PPP3R1: variants seen among roughly 807,000 people sequenced by gnomAD.
PPP3R1 encodes the protein calcineurin subunit B type 1.
PPP3R1 carries 5 observed loss-of-function variants against 22.6 expected under a neutral mutation model. That is an observed-to-expected ratio of 0.22 (90% CI 0.12 to 0.46). The LOEUF is 0.46. PPP3R1 is among the 20% of genes least tolerant of loss of function. PPP3R1 has a pLI of 0.99. For missense variants in PPP3R1, 61 were observed against 203.2 expected (o/e 0.30, Z 4.25); for synonymous variants, 56 against 65.2 (o/e 0.86, Z 0.68).
intron 5 of PPP3R1, among the ~76,000 whole-genome samples, chr2:68,185,138 G>A (rs181711105): frequency 2.0e-5 from 3 of 150,626 alleles, no homozygotes; most frequent in East Asian, 1.9e-4. Flanking sequence ...AAAATCACTC[G>A]AACCAGGGAG....
chr2:68,215,326 C>G (rs918245326), intron 2 of PPP3R1, among the ~76,000 whole-genome samples: 5 of 152,124 alleles, frequency 3.3e-5, no homozygotes, highest in East Asian at 1.9e-4. Flanking sequence ...TTCCAAAACC[C>G]CCCCCAAAAT....
intron 1 of PPP3R1, among the ~76,000 whole-genome samples, chr2:68,246,155 ACCTCCGCCTC>A: frequency 7.7e-6 from 1 of 130,554 alleles, no homozygotes; most frequent in South Asian, 2.5e-4. Flanking sequence ...GCTCCCTGCA[ACCTCCGCCTC>A]CCGGGTTCAA....
intron 1 of PPP3R1, among the ~76,000 whole-genome samples, chr2:68,239,359 T>C (rs1670075073): frequency 6.6e-6 from 1 of 152,148 alleles, no homozygotes; most frequent in African/African-American, 2.4e-5. Context: ...AAACAATATA[T>C]GAAGTGCCAC....
At position 68,209,792 on chromosome 2, in the gene PPP3R1, T is replaced by C. The variant is rs114032004; in HGVS notation, c.43+7300A>G. Among the ~76,000 whole-genome samples the C allele has an allele frequency of 2.4e-3, 363 of 152,042 alleles. 3 individuals carry two copies. Among genetic ancestry groups the C allele is most frequent in the African/African-American group, 8.4e-3 (349 of 41,442 alleles). ...AGTTTTAAACTCCCTCTATCCAAGT[T>C]TGTAAGACACAACAACAACAAAAAA... On this transcript the variant is annotated intron_variant, in intron 2 of 5. Coordinates refer to ENST00000234310, the MANE Select transcript of PPP3R1 (RefSeq NM_000945.4).
At chr2:68,230,600 T>C (rs935494276) in intron 1 of PPP3R1, among the ~76,000 whole-genome samples, 1 of 152,384 alleles carries the variant, frequency 6.6e-6, no homozygotes, top group Admixed American at 6.5e-5. Context: ...CCCGTACTTT[T>C]ACACTTTGAA....
At chr2:68,211,177 C>T (rs1045582370) in intron 2 of PPP3R1, among the ~76,000 whole-genome samples, 4 of 152,058 alleles carry the variant, frequency 2.6e-5, no homozygotes, top group African/African-American at 9.7e-5. Flanking sequence ...GAGGCCGAGA[C>T]AGGCGGATCA....
At chr2:68,183,391 G>T (rs1055704723) in intron 5 of PPP3R1, among the ~76,000 whole-genome samples, 7 of 152,108 alleles carry the variant, frequency 4.6e-5, no homozygotes, top group African/African-American at 1.7e-4. Context: ...CCAGTTATTT[G>T]TTCCCACTGT....
rs1674344283 is a variant in PPP3R1 at position 68,178,977 on chromosome 2, C to T, written c.*1986G>A. 1 of 145,532 alleles carries T rather than the reference C, an allele frequency of 6.9e-6. No individual in the cohort carries two copies. Among genetic ancestry groups the T allele is most frequent in the Non-Finnish European group, 1.5e-5 (1 of 66,866 alleles). The allele number at this position is 145,532 out of a possible 1,614,324, so 9.0% of individuals were successfully genotyped here. ...CAACATAAACCATCCCCTCCCTTAC[C>T]CACCCCCACACACAAACTAAAAAAA... On this transcript the variant is annotated 3_prime_UTR_variant, in exon 6 of 6. Transcript: ENST00000234310.
intron 2 of PPP3R1, among the ~76,000 whole-genome samples, chr2:68,207,930 C>T (rs376338825): frequency 3.3e-5 from 5 of 152,168 alleles, no homozygotes; most frequent in Admixed American, 6.5e-5. Flanking sequence ...CCGAGGCAGG[C>T]GGCTCGCCTG....
intron 1 of PPP3R1, chr2:68,251,089 C>G (rs1227877727): frequency 1.3e-5 from 2 of 152,204 alleles, no homozygotes; most frequent in Non-Finnish European, 2.9e-5. Flanking sequence ...CGCGGAATAG[C>G]ACTCTGAACT....
rs66891931 is a variant in PPP3R1, at chr2:68,217,011, T to TAC, written c.43+79_43+80dup. 7,434 of 769,330 alleles carry TAC rather than the reference T, an allele frequency of 9.7e-3. 11 individuals are homozygous for TAC. Among genetic ancestry groups the TAC allele is most frequent in the Middle Eastern group, 0.013 (53 of 3,986 alleles). The allele number at this position is 769,330 out of a possible 1,614,324, so 47.7% of individuals were successfully genotyped here. A position where few individuals can be genotyped will look rare whatever the true frequency, so the allele number is the denominator to read the frequency against. ...GTAAATATACATTACAGAGGTATGA[T>TAC]ACACACACACACACACACACACACA... On this transcript the variant is annotated intron_variant, in intron 2 of 5. Transcript: ENST00000234310.
At chr2:68,225,732 A>G (rs1669768475) in intron 1 of PPP3R1, among the ~76,000 whole-genome samples, 1 of 152,254 alleles carries the variant, frequency 6.6e-6, no homozygotes, top group Non-Finnish European at 1.5e-5. Flanking sequence ...CTGACATACC[A>G]AAGTGTTGGT....
Position 68,252,239 on chromosome 2 carries a change from G to C in PPP3R1, c.-112C>G, listed in dbSNP as rs1439622181. 24 of 1,111,802 alleles carry C rather than the reference G, an allele frequency of 2.2e-5. No homozygotes were observed. Among genetic ancestry groups the C allele is most frequent in the Non-Finnish European group, 2.7e-5 (24 of 905,438 alleles). 68.9% of individuals were successfully genotyped at this position (1,111,802 alleles called of 1,614,324 possible). ...CCCAGCTGCGGCCCTCGGGTCGCCG[G>C]CGGGGAGGGGGCGCGCGTGGGGGAG... is the stretch of plus-strand genomic sequence containing the variant. On this transcript the variant is annotated 5_prime_UTR_variant, in exon 1 of 6. Transcript: ENST00000234310.
intron 2 of PPP3R1, among the ~76,000 whole-genome samples, chr2:68,207,975 G>A (rs1044993799): frequency 6.6e-6 from 1 of 152,144 alleles, no homozygotes; most frequent in Non-Finnish European, 1.5e-5. Flanking sequence ...TGCCAACATG[G>A]TGAAACCTCA....
At chr2:68,206,517 G>A (rs994711075) in intron 2 of PPP3R1, among the ~76,000 whole-genome samples, 1 of 152,190 alleles carries the variant, frequency 6.6e-6, no homozygotes, top group African/African-American at 2.4e-5. Context: ...GCAAGTTTGG[G>A]TAGAATGCTG....
chr2:68,252,285 C>G lies in PPP3R1; in HGVS notation c.-158G>C. 7 of 1,033,434 alleles carry G rather than the reference C, an allele frequency of 6.8e-6. No individual in the cohort carries two copies. The highest frequency in any genetic ancestry group is 8.1e-6 in the Non-Finnish European group (7 of 862,608). 64.0% of individuals were successfully genotyped at this position (1,033,434 alleles called of 1,614,324 possible). On this transcript the variant is annotated 5_prime_UTR_variant, in exon 1 of 6. Transcript: ENST00000234310. ...GGGAGGGGAGGCGGCGCCGCGGGGCCCGCGCCGGCCGGGCGATTGGGCACG... is the reference window on the plus strand; with the variant it reads ...GGGAGGGGAGGCGGCGCCGCGGGGCGCGCGCCGGCCGGGCGATTGGGCACG...
rs927873522 is a variant in PPP3R1 at position 68,251,891 on chromosome 2, G to C, written c.3+234C>G. On this transcript the variant is annotated intron_variant, in intron 1 of 5. Coordinates refer to ENST00000234310, the MANE Select transcript of PPP3R1 (RefSeq NM_000945.4). ...GGCGGGGCGGCGGCCGAGCAGCAGAGGGGCGCCCCGCAGAGGCCGGGGGCG... is the reference window on the plus strand; with the variant it reads ...GGCGGGGCGGCGGCCGAGCAGCAGACGGGCGCCCCGCAGAGGCCGGGGGCG... Among the ~76,000 whole-genome samples the C allele has an allele frequency of 5.5e-5, 8 of 145,052 alleles. 1 individual carries two copies. Among genetic ancestry groups the C allele is most frequent in the Admixed American group, 5.4e-4 (8 of 14,764 alleles).
intron 2 of PPP3R1, among the ~76,000 whole-genome samples, chr2:68,199,242 G>A (rs1363820158): frequency 6.6e-6 from 1 of 152,124 alleles, no homozygotes; most frequent in Non-Finnish European, 1.5e-5. Flanking sequence ...GATTACAGGC[G>A]TGAGCCACCG....
chr2:68,198,219 C>A (rs1674846122), intron 2 of PPP3R1, among the ~76,000 whole-genome samples: 2 of 129,904 alleles, frequency 1.5e-5, no homozygotes, highest in South Asian at 2.7e-4. Flanking sequence ...TACATATATA[C>A]ATTTTACATA....
Sources: allele counts gnomAD v4.1 joint callset (sites outside exome capture counted in the v4.1 genomes callset), GRCh38; gene constraint gnomAD v4.1.1; transcripts MANE v1.5; gene names NCBI Gene and HGNC (gene_info 2026-07-23, HGNC 2026-07-21).